CORO1C: variants seen among roughly 807,000 people sequenced by gnomAD.
CORO1C encodes the protein coronin 1C, also known as coronin-1C.
CORO1C carries 14 observed loss-of-function variants against 51.2 expected under a neutral mutation model. That is an observed-to-expected ratio of 0.27 (90% CI 0.18 to 0.43). The LOEUF (loss-of-function observed/expected upper bound fraction) is 0.43, where lower values mean the gene tolerates loss of function less well. Among genes scored for constraint, CORO1C ranks in the 20% least tolerant of loss-of-function variants. The probability of loss-of-function intolerance (pLI) is 1.00; values close to 1 mark genes in which losing one functional copy is unlikely to be tolerated. For missense variants in CORO1C, 417 were observed against 607.8 expected, an observed-to-expected ratio of 0.69 and a Z score of 3.30; for synonymous variants, 181 against 210.5, an observed-to-expected ratio of 0.86 and a Z score of 1.21.
chr12:108,684,454 T>C (rs143087404), intron 2 of CORO1C, among the ~76,000 whole-genome samples: 35 of 152,260 alleles, frequency 2.3e-4, no homozygotes, highest in African/African-American at 8.4e-4. Context: ...CTCCCATATT[T>C]TGTACAAGAG....
intron 3 of CORO1C, among the ~76,000 whole-genome samples, chr12:108,674,325 G>C (rs1689452539): frequency 6.6e-6 from 1 of 152,200 alleles, no homozygotes; most frequent in Non-Finnish European, 1.5e-5. Context: ...AAGGCGGGCG[G>C]ATCGCGAGAT....
intron 1 of CORO1C, among the ~76,000 whole-genome samples, chr12:108,717,327 C>G (rs760019690): frequency 6.6e-6 from 1 of 152,242 alleles, no homozygotes; most frequent in Non-Finnish European, 1.5e-5. Flanking sequence ...ACCCGGATCA[C>G]AGAGGGCTTT....
intron 1 of CORO1C, among the ~76,000 whole-genome samples, chr12:108,713,313 A>G (rs1299861686): frequency 6.6e-6 from 1 of 152,210 alleles, no homozygotes; most frequent in Non-Finnish European, 1.5e-5. Flanking sequence ...TGGCCGACTG[A>G]CTGCAAGTAT....
chr12:108,706,871 A>G (rs1592935182), intron 1 of CORO1C, among the ~76,000 whole-genome samples: 1 of 152,236 alleles, frequency 6.6e-6, no homozygotes, highest in African/African-American at 2.4e-5. Flanking sequence ...GGTGTGAGCT[A>G]CCATGCCTAG....
rs189708067 is a variant in CORO1C at position 108,651,464 on chromosome 12, T to C, written c.1001+808A>G. On this transcript the variant is annotated intron_variant, in intron 8 of 10. Transcript: ENST00000261401. Reference sequence around the variant, plus strand: ...GTACAGAGAGGTAGAAATTATATCATAGCTGAACTTCCTAAATCAAGCTAA... The same window carrying C: ...GTACAGAGAGGTAGAAATTATATCACAGCTGAACTTCCTAAATCAAGCTAA... 1.2e-3 allele frequency among the ~76,000 whole-genome samples: 183 copies of C among 152,346 alleles called. 2 individuals are homozygous for C. The highest frequency in any genetic ancestry group is 4.0e-3 in the African/African-American group (166 of 41,572).
At chr12:108,712,913 TAAA>T (rs142742201) in intron 1 of CORO1C, among the ~76,000 whole-genome samples, 14 of 128,066 alleles carry the variant, frequency 1.1e-4, no homozygotes, top group African/African-American at 3.2e-4. Context: ...CATGTCTCTT[TAAA>T]AAAAAAAAAA....
intron 2 of CORO1C, among the ~76,000 whole-genome samples, chr12:108,699,696 G>A (rs2136863470): frequency 6.6e-6 from 1 of 152,254 alleles, no homozygotes; most frequent in South Asian, 2.1e-4. Flanking sequence ...TCCAAAACCA[G>A]ATGAAGAACA....
intron 1 of CORO1C, among the ~76,000 whole-genome samples, chr12:108,717,166 A>G (rs543089312): frequency 1.7e-3 from 259 of 152,348 alleles, no homozygotes; most frequent in African/African-American, 6.0e-3. Context: ...CAACTGGGCA[A>G]TAAGAGAAGA....
At chr12:108,682,166 A>G (rs1273194839) in intron 2 of CORO1C, among the ~76,000 whole-genome samples, 1 of 152,100 alleles carries the variant, frequency 6.6e-6, no homozygotes, top group East Asian at 1.9e-4. Context: ...CAACTCATGA[A>G]AAGCAGAGAC....
At chr12:108,668,993 GTA>G (rs1320433634) in intron 3 of CORO1C, among the ~76,000 whole-genome samples, 1 of 152,222 alleles carries the variant, frequency 6.6e-6, no homozygotes, top group African/African-American at 2.4e-5. Context: ...GGAGTGAAGT[GTA>G]GTTTCTGGGA....
At chr12:108,702,518 A>C (rs1739878213) in intron 1 of CORO1C, among the ~76,000 whole-genome samples, 1 of 152,180 alleles carries the variant, frequency 6.6e-6, no homozygotes, top group Non-Finnish European at 1.5e-5. Flanking sequence ...CACCCAATGT[A>C]ATTTTCCTAT....
chr12:108,679,603 C>T (rs1358623304), intron 2 of CORO1C, among the ~76,000 whole-genome samples: 1 of 152,160 alleles, frequency 6.6e-6, no homozygotes, highest in Admixed American at 6.5e-5. Flanking sequence ...GTTGTTTTTG[C>T]TCTTATATGG....
chr12:108,704,668 T>C (rs2034976465), intron 1 of CORO1C, among the ~76,000 whole-genome samples: 1 of 152,228 alleles, frequency 6.6e-6, no homozygotes, highest in African/African-American at 2.4e-5. Flanking sequence ...TGAAGGGCAG[T>C]GTGAGCCCAT....
chr12:108,667,987 A>G (rs2033554209), intron 3 of CORO1C, among the ~76,000 whole-genome samples: 1 of 152,238 alleles, frequency 6.6e-6, no homozygotes, highest in Non-Finnish European at 1.5e-5. Context: ...TGCTTTCCAG[A>G]CACTGCTTCC....
At chr12:108,714,606 C>CA (rs1462322731) in intron 1 of CORO1C, among the ~76,000 whole-genome samples, 2 of 149,918 alleles carry the variant, frequency 1.3e-5, no homozygotes, top group African/African-American at 4.9e-5. Flanking sequence ...ACCAAAAATA[C>CA]AAAAAATTAG....
rs192724190 is a variant in CORO1C at position 108,704,427 on chromosome 12, G to A, written c.-5-3104C>T. Among the ~76,000 whole-genome samples the A allele has an allele frequency of 1.2e-3, 182 of 150,854 alleles. 1 individual carries two copies. The highest frequency in any genetic ancestry group is 3.7e-3 in the African/African-American group (153 of 40,930). ...GCGGAGGCTTCAGTGAGCCAAGATC[G>A]CACCACTGCACTCCAGCCTGGGCGA... On this transcript the variant is annotated intron_variant, in intron 1 of 10. Transcript: ENST00000261401.
intron 3 of CORO1C, among the ~76,000 whole-genome samples, chr12:108,663,006 A>G (rs925341506): frequency 8.5e-5 from 13 of 152,240 alleles, no homozygotes; most frequent in Non-Finnish European, 1.5e-4. Flanking sequence ...ATTGAAAAAT[A>G]GGCCAGTCAT....
At chr12:108,725,268 C>A (rs1054592944) in intron 1 of CORO1C, among the ~76,000 whole-genome samples, 2 of 152,128 alleles carry the variant, frequency 1.3e-5, no homozygotes, top group African/African-American at 4.8e-5. Flanking sequence ...GAATCCATAC[C>A]CTTAATAGCT....
chr12:108,716,507 G>A (rs1218323250), intron 1 of CORO1C, among the ~76,000 whole-genome samples: 1 of 152,104 alleles, frequency 6.6e-6, no homozygotes, highest in Admixed American at 6.5e-5. Flanking sequence ...GGCAAGCGGA[G>A]ATTAAATGGA....
Sources: allele counts gnomAD v4.1 joint callset (sites outside exome capture counted in the v4.1 genomes callset), GRCh38; gene constraint gnomAD v4.1.1; transcripts MANE v1.5; gene names NCBI Gene and HGNC (gene_info 2026-07-23, HGNC 2026-07-21).